The following DIAPH3 variants were observed in gnomAD, a reference collection of about 807,000 sequenced individuals.
The protein encoded by DIAPH3 is protein diaphanous homolog 3.
A neutral mutation model predicts 144.3 loss-of-function variants in DIAPH3; 117 were observed. The observed-to-expected ratio is 0.81, with a 90% CI of 0.70 to 0.95. DIAPH3 has a LOEUF of 0.95. Among genes scored for constraint, DIAPH3 ranks in the 40% least tolerant of loss-of-function variants. DIAPH3 has a pLI of 0.00. For missense variants in DIAPH3, 1,421 were observed against 1,412.7 expected (o/e 1.01, Z -0.09); for synonymous variants, 519 against 488.9 (o/e 1.06, Z -0.81).
chr13:60,015,662 G>A (rs1341013345), intron 7 of DIAPH3, among the ~76,000 whole-genome samples: 1 of 151,954 alleles, frequency 6.6e-6, no homozygotes, highest in East Asian at 1.9e-4. Context: ...GGGGTGGGCA[G>A]GGTTGAGAGG....
At chr13:59,707,981 TC>T (rs2034519280) in intron 27 of DIAPH3, among the ~76,000 whole-genome samples, 1 of 149,896 alleles carries the variant, frequency 6.7e-6, no homozygotes, top group East Asian at 2.0e-4. Context: ...ATTTCTCTCA[TC>T]TTTAAAAAAA....
At chr13:59,916,278 TAATG>T (rs750502343) in intron 18 of DIAPH3, 29 bp from the exon 19 acceptor site, 1 of 1,552,078 alleles carries the variant, frequency 6.4e-7, no homozygotes, top group Non-Finnish European at 8.9e-7. Context: ...GAAAGGTTTA[TAATG>T]AATAAGGTTT....
chr13:59,939,095 A>C (rs2048397402), intron 17 of DIAPH3, among the ~76,000 whole-genome samples: 1 of 152,166 alleles, frequency 6.6e-6, no homozygotes, highest in Non-Finnish European at 1.5e-5. Flanking sequence ...GCTTTGTCAA[A>C]TGAAGAACAA....
At chr13:59,797,180 C>T (rs913870782) in intron 25 of DIAPH3, among the ~76,000 whole-genome samples, 14 of 152,132 alleles carry the variant, frequency 9.2e-5, no homozygotes, top group Non-Finnish European at 2.9e-5. Flanking sequence ...TTCTATCCCC[C>T]CATCCCTACT....
Position 60,119,746 on chromosome 13 carries a change from CAAAAAAAAAAAAAA to C in DIAPH3, c.214-7574_214-7561del, listed in dbSNP as rs34356415. Among the ~76,000 whole-genome samples the C allele has an allele frequency of 6.1e-5, 3 of 49,542 alleles. No homozygotes were observed. The East Asian group carries it at 2.3e-3, about 38-fold the overall frequency. The allele number at this position is 49,542 out of a possible 152,430, so 32.5% of individuals were successfully genotyped here. A position where few individuals can be genotyped will look rare whatever the true frequency, so the allele number is the denominator to read the frequency against. ...TGGGCGACAGAGCGAGACTCCGTCT[CAAAAAAAAAAAAAA>C]AAAAAAAAAAAGAAATGATAAATCT... On this transcript the variant is annotated intron_variant, in intron 2 of 27. Coordinates refer to ENST00000400324, the MANE Select transcript of DIAPH3 (RefSeq NM_001042517.2).
At chr13:59,684,749 T>C (rs1039915026) in intron 27 of DIAPH3, among the ~76,000 whole-genome samples, 3 of 152,264 alleles carry the variant, frequency 2.0e-5, no homozygotes, top group Middle Eastern at 3.4e-3. Flanking sequence ...TTGGGAATAA[T>C]TGATCAACAT....
Position 59,970,843 on chromosome 13 carries a change from T to C in DIAPH3, c.1959+9A>G. The stretch of plus-strand genomic sequence containing the variant: ...AGTAAAAGTATTTTCCTCTATTAAT[T>C]TCTTTTACCTTTAACCAATTCAATC... On this transcript the variant is annotated intron_variant, in intron 16 of 27. Transcript: ENST00000400324. 1 of 1,607,814 alleles carries C rather than the reference T, an allele frequency of 6.2e-7. No individual in the cohort carries two copies. The highest frequency in any genetic ancestry group is 8.5e-7 in the Non-Finnish European group (1 of 1,176,508).
chr13:60,127,785 AT>A (rs1396548971), intron 2 of DIAPH3, among the ~76,000 whole-genome samples: 6 of 152,146 alleles, frequency 3.9e-5, no homozygotes, highest in African/African-American at 1.4e-4. Context: ...TGATGGAAAT[AT>A]TTCATATCAC....
chr13:59,842,434 C>A (rs2042400537), intron 22 of DIAPH3, among the ~76,000 whole-genome samples: 1 of 152,078 alleles, frequency 6.6e-6, no homozygotes, highest in African/African-American at 2.4e-5. Flanking sequence ...TTTTCTCTGA[C>A]ACCAAATACA....
chr13:60,010,176 T>A (rs571730717), intron 8 of DIAPH3, among the ~76,000 whole-genome samples: 8 of 152,116 alleles, frequency 5.3e-5, no homozygotes, highest in Non-Finnish European at 1.2e-4. Flanking sequence ...ACCTACAGTT[T>A]GAAATAATTC....
intron 17 of DIAPH3, among the ~76,000 whole-genome samples, chr13:59,961,537 C>T (rs887493824): frequency 9.2e-5 from 14 of 152,106 alleles, no homozygotes; most frequent in African/African-American, 3.4e-4. Flanking sequence ...GTTTTTAAAG[C>T]CTTTAATATA....
intron 17 of DIAPH3, among the ~76,000 whole-genome samples, chr13:59,926,606 C>T (rs973771506): frequency 2.6e-5 from 4 of 152,114 alleles, no homozygotes; most frequent in Non-Finnish European, 1.5e-5. Context: ...ATTAGAGAAG[C>T]AAGCTGTATA....
chr13:59,668,456 T>C (rs1022716093), intron 27 of DIAPH3, among the ~76,000 whole-genome samples: 7 of 152,180 alleles, frequency 4.6e-5, no homozygotes, highest in Non-Finnish European at 1.0e-4. Flanking sequence ...TAGTTAAAAG[T>C]CTAATGGCAA....
chr13:60,113,622 C>T (rs973152732), intron 2 of DIAPH3, among the ~76,000 whole-genome samples: 5 of 152,068 alleles, frequency 3.3e-5, no homozygotes, highest in African/African-American at 1.2e-4. Flanking sequence ...CAAAACAAAC[C>T]AGAAAACGTA....
At chr13:60,123,316 A>G (rs1320110346) in intron 2 of DIAPH3, among the ~76,000 whole-genome samples, 2 of 152,140 alleles carry the variant, frequency 1.3e-5, no homozygotes, top group East Asian at 1.9e-4. Flanking sequence ...TTCTTTTTCC[A>G]TATTTGTATT....
chr13:59,961,323 ATATGGGTAT>A (rs1245288661), intron 17 of DIAPH3, among the ~76,000 whole-genome samples: 1 of 152,210 alleles, frequency 6.6e-6, no homozygotes, highest in African/African-American at 2.4e-5. Flanking sequence ...TAACCTCATG[ATATGGGTAT>A]TATGTCCCCC....
chr13:59,825,188 T>G (rs887651776), intron 24 of DIAPH3, among the ~76,000 whole-genome samples: 2 of 151,872 alleles, frequency 1.3e-5, no homozygotes, highest in Non-Finnish European at 2.9e-5. Flanking sequence ...CCCTCCCCTC[T>G]CCCCCTACCC....
chr13:59,815,078 T>A (rs899259000), intron 24 of DIAPH3, among the ~76,000 whole-genome samples: 3 of 152,222 alleles, frequency 2.0e-5, no homozygotes, highest in African/African-American at 7.2e-5. Context: ...ATTTTAAAAA[T>A]CCATTCATTC....
intron 27 of DIAPH3, among the ~76,000 whole-genome samples, chr13:59,737,505 T>G (rs1019746283): frequency 6.6e-6 from 1 of 152,128 alleles, no homozygotes; most frequent in African/African-American, 2.4e-5. Flanking sequence ...AAAATCAGCA[T>G]AAAACCAGGG....
Sources: allele counts gnomAD v4.1 joint callset (sites outside exome capture counted in the v4.1 genomes callset), GRCh38; gene constraint gnomAD v4.1.1; transcripts MANE v1.5; gene names NCBI Gene and HGNC (gene_info 2026-07-23, HGNC 2026-07-21).